Variants in FHIP1A observed in about 807,000 individuals in gnomAD.
FHIP1A encodes the protein FHF complex subunit HOOK interacting protein 1A.
Under a neutral mutation model 88.6 loss-of-function variants are expected in FHIP1A, and 61 were observed. The ratio of observed to expected loss-of-function variants is 0.69; its 90% CI spans 0.56 to 0.85. FHIP1A has a LOEUF of 0.85. FHIP1A is among the 40% of genes least tolerant of loss of function. FHIP1A has a pLI of 0.00. For missense variants in FHIP1A, 1,154 were observed against 1,273.5 expected (o/e 0.91, Z 1.43); for synonymous variants, 478 against 496.0 (o/e 0.96, Z 0.48).
intron 3 of FHIP1A, among the ~76,000 whole-genome samples, chr4:151,564,863 T>C (rs2126769345): frequency 6.6e-6 from 1 of 152,310 alleles, no homozygotes; most frequent in East Asian, 1.9e-4. Context: ...GACCTTTTCA[T>C]GTCGAATGGT....
intron 3 of FHIP1A, among the ~76,000 whole-genome samples, chr4:151,547,614 G>A (rs1373144826): frequency 6.6e-6 from 1 of 152,174 alleles, no homozygotes; most frequent in Non-Finnish European, 1.5e-5. Flanking sequence ...TATTTGCAGT[G>A]AGAAGGACTC....
At chr4:151,430,068 T>C in intron 1 of FHIP1A, among the ~76,000 whole-genome samples, 1 of 152,178 alleles carries the variant, frequency 6.6e-6, no homozygotes, top group Non-Finnish European at 1.5e-5. Context: ...TGTGTTGTCT[T>C]TGAAGAGGCT....
At position 151,613,928 on chromosome 4, in the gene FHIP1A, T is replaced by C. The variant is rs189243828; in HGVS notation, c.979-15774T>C. ...TTGTAATCCCAGCACTTTGGGAGGC[T>C]GAGGTGGGTGGATCACCTGAGGTCA... On this transcript the variant is annotated intron_variant, in intron 7 of 13. Transcript: ENST00000435205. Among the ~76,000 whole-genome samples, 436 of 151,566 alleles carry C rather than the reference T, an allele frequency of 2.9e-3. 2 individuals are homozygous for C. The highest frequency in any genetic ancestry group is 0.01 in the African/African-American group (423 of 41,310).
At chr4:151,657,892 T>C (rs1314288804) in intron 13 of FHIP1A, among the ~76,000 whole-genome samples, 1 of 152,210 alleles carries the variant, frequency 6.6e-6, no homozygotes, top group Non-Finnish European at 1.5e-5. Context: ...TCTTGGTTGC[T>C]TTACCTCACA....
chr4:151,580,218 A>G (rs1733970166), intron 5 of FHIP1A, among the ~76,000 whole-genome samples: 1 of 152,196 alleles, frequency 6.6e-6, no homozygotes, highest in Non-Finnish European at 1.5e-5. Flanking sequence ...TAAGAGACCA[A>G]GCCATTATCT....
intron 3 of FHIP1A, among the ~76,000 whole-genome samples, chr4:151,511,949 G>A (rs547114383): frequency 1.9e-4 from 29 of 152,226 alleles, no homozygotes; most frequent in Non-Finnish European, 3.4e-4. Flanking sequence ...CTCCCAGCAC[G>A]CAGCTGGAGA....
rs755190327 is a variant in FHIP1A, at chr4:151,649,599, G to T, written c.1558G>T (p.Val520Phe). ...NILRCMRDCRVWSALYDGDSP... is the reference protein window; with the variant it reads ...NILRCMRDCRFWSALYDGDSP... ...CCTCCGCTGCATGAGGGACTGCCGT[G>T]TCTGGTCCGCCCTGTATGATGGCGA... The change falls in exon 11 of 14, where the codon GTC becomes TTC. Residue 520 changes from valine to phenylalanine, a missense_variant. By Grantham distance (50) the Val-to-Phe change is conservative. Transcript: ENST00000435205. The T allele has an allele frequency of 6.4e-7, 1 of 1,551,726 alleles. No homozygotes were observed. Among genetic ancestry groups the T allele is most frequent in the South Asian group, 1.2e-5 (1 of 84,064 alleles).
At chr4:151,601,914 G>A (rs865844060) in intron 7 of FHIP1A, among the ~76,000 whole-genome samples, 1 of 151,896 alleles carries the variant, frequency 6.6e-6, no homozygotes, top group Non-Finnish European at 1.5e-5. Context: ...TCACAATCAT[G>A]GTGGAAGGCA....
chr4:151,655,410 A>G (rs1204899955), intron 11 of FHIP1A, among the ~76,000 whole-genome samples: 5 of 152,134 alleles, frequency 3.3e-5, no homozygotes, highest in Admixed American at 6.5e-5. Flanking sequence ...CTTTTTGCCT[A>G]TTTTTCTTAA....
intron 1 of FHIP1A, among the ~76,000 whole-genome samples, chr4:151,412,842 G>A (rs1317786411): frequency 6.6e-6 from 1 of 151,184 alleles, no homozygotes; most frequent in Non-Finnish European, 1.5e-5. Flanking sequence ...GCACCACCAC[G>A]CCTGGCTAAT....
At position 151,586,745 on chromosome 4, in the gene FHIP1A, T is replaced by C. The variant is rs1218968067; in HGVS notation, c.837T>C (p.Leu279=). Residue 279 remains leucine, a synonymous_variant, in exon 6 of 14, where the codon CTT becomes CTC. Transcript: ENST00000435205. The stretch of plus-strand genomic sequence containing the variant: ...TTCTGAAAGATGACTGGCTTCTACT[T>C]CCTTCTCTTGTCCAGTTCATGAACT... The part of the protein sequence containing the change: ...HCLLKDDWLL[L]PSLVQFMNSL... 2 of 1,551,418 alleles carry C rather than the reference T, an allele frequency of 1.3e-6. No homozygotes were observed. The highest frequency in any genetic ancestry group is 4.9e-5 in the East Asian group (2 of 40,918).
intron 3 of FHIP1A, among the ~76,000 whole-genome samples, chr4:151,531,341 G>T (rs1464853216): frequency 2.0e-5 from 3 of 151,940 alleles, no homozygotes; most frequent in Non-Finnish European, 4.4e-5. Context: ...GGTTCCAATT[G>T]TTGAGGTGGA....
chr4:151,421,148 A>G (rs978964832), intron 1 of FHIP1A, among the ~76,000 whole-genome samples: 1 of 152,134 alleles, frequency 6.6e-6, no homozygotes, highest in African/African-American at 2.4e-5. Flanking sequence ...ATCTTTTTAT[A>G]TATTCTGTAT....
chr4:151,639,903 G>C (rs1435165062), intron 9 of FHIP1A, among the ~76,000 whole-genome samples: 1 of 152,144 alleles, frequency 6.6e-6, no homozygotes, highest in Admixed American at 6.5e-5. Flanking sequence ...AGCTGAGAGT[G>C]GGGGAAGAGG....
At chr4:151,425,110 G>A (rs1299204965) in intron 1 of FHIP1A, among the ~76,000 whole-genome samples, 3 of 152,132 alleles carry the variant, frequency 2.0e-5, no homozygotes, top group Admixed American at 2.0e-4. Context: ...CTCTTAATTG[G>A]ATACAATAGG....
At position 151,475,023 on chromosome 4, in the gene FHIP1A, T is replaced by G. The variant is rs77736315; in HGVS notation, c.-247-7501T>G. The stretch of plus-strand genomic sequence containing the variant: ...TGGCCTAAAGTCACCTGTCATTTGT[T>G]TTAATGGTTAAGGGTCAGGAATTGA... On this transcript the variant is annotated intron_variant, in intron 2 of 13. Transcript: ENST00000435205. Among the ~76,000 whole-genome samples the G allele has an allele frequency of 4.1e-3, 622 of 152,338 alleles. 6 individuals are homozygous for G. Among genetic ancestry groups the G allele is most frequent in the African/African-American group, 0.014 (587 of 41,574 alleles).
intron 1 of FHIP1A, among the ~76,000 whole-genome samples, chr4:151,447,687 GTTAT>G (rs1036874662): frequency 6.6e-6 from 1 of 152,136 alleles, no homozygotes; most frequent in African/African-American, 2.4e-5. Flanking sequence ...GAAAATGGGG[GTTAT>G]TTAAAGAGGT....
intron 3 of FHIP1A, among the ~76,000 whole-genome samples, chr4:151,509,508 A>T (rs948412070): frequency 3.3e-5 from 5 of 152,086 alleles, no homozygotes; most frequent in African/African-American, 1.2e-4. Context: ...GATGGTACAG[A>T]CTACATTAGC....
At chr4:151,432,956 C>T (rs1733650491) in intron 1 of FHIP1A, among the ~76,000 whole-genome samples, 1 of 151,990 alleles carries the variant, frequency 6.6e-6, no homozygotes, top group Non-Finnish European at 1.5e-5. Context: ...TAAACCTGGT[C>T]TTTTAACATG....
Sources: gnomAD v4.1 joint callset for allele counts (sites outside exome capture counted in the v4.1 genomes callset) on GRCh38, gnomAD v4.1.1 for gene constraint, MANE v1.5 for transcripts, NCBI Gene and HGNC (gene_info 2026-07-23, HGNC 2026-07-21) for gene names.